IL31RA: variants seen among roughly 807,000 people sequenced by gnomAD.
IL31RA encodes interleukin-31 receptor subunit alpha.
A neutral mutation model predicts 83.7 loss-of-function variants in IL31RA; 66 were observed. That is an observed-to-expected ratio of 0.79 (90% CI 0.65 to 0.97). The LOEUF is 0.97. Among genes scored for constraint, IL31RA ranks in the 50% least tolerant of loss-of-function variants. IL31RA has a pLI of 0.00. For missense variants in IL31RA, 798 were observed against 919.4 expected, an observed-to-expected ratio of 0.87 and a Z score of 1.71; for synonymous variants, 325 against 329.0, an observed-to-expected ratio of 0.99 and a Z score of 0.13.
intron 13 of IL31RA, 45 bp downstream of exon 13, chr5:55,913,615 A>G (rs1428533890): frequency 8.0e-6 from 10 of 1,255,052 alleles, no homozygotes; most frequent in Non-Finnish European, 1.1e-5. Flanking sequence ...TCAGGGACAA[A>G]AAGGGGTTGA....
rs1367844440 is a variant in IL31RA at position 55,885,532 on chromosome 5, G to A, written c.606+2337G>A. On this transcript the variant is annotated intron_variant, in intron 5 of 14. Transcript: ENST00000652347. ...CCCCTGCACAAAGCGTGAACTTCCC[G>A]TGGCTCCACCCCATTCTCCCAGTGC... is the stretch of plus-strand genomic sequence containing the variant. 3.3e-5 allele frequency among the ~76,000 whole-genome samples: 5 copies of A among 152,154 alleles called. No individual in the cohort carries two copies. The East Asian group carries it at 7.7e-4, about 23-fold the overall frequency.
the IL31RA span, among the ~76,000 whole-genome samples, chr5:55,845,156 G>A: frequency 6.6e-6 from 1 of 152,138 alleles, no homozygotes; most frequent in African/African-American, 2.4e-5. Context: ...TTGCCTTTTA[G>A]TATGCCTTAT....
chr5:55,915,708 G>A (rs998999855), intron 14 of IL31RA, among the ~76,000 whole-genome samples: 4 of 151,970 alleles, frequency 2.6e-5, no homozygotes, highest in South Asian at 4.2e-4. Flanking sequence ...TTATCAGTCC[G>A]GTATACTGGA....
At position 55,907,252 on chromosome 5, in the gene IL31RA, G is replaced by A. The variant is rs1184791287; in HGVS notation, c.1253-107G>A. On this transcript the variant is annotated intron_variant, in intron 9 of 14. Transcript: ENST00000652347. ...TTATTTTCCAGAGGTGGAAACTGTAGAGAAATGGAATATCTTCTATAAGTG... is the reference window on the plus strand; with the variant it reads ...TTATTTTCCAGAGGTGGAAACTGTAAAGAAATGGAATATCTTCTATAAGTG... 1.1e-5 allele frequency: 8 copies of A among 724,784 alleles called. No homozygotes were observed. The Admixed American group carries it at 1.6e-4, about 15-fold the overall frequency. The allele number at this position is 724,784 out of a possible 1,614,324, so 44.9% of individuals were successfully genotyped here. A position where few individuals can be genotyped will look rare whatever the true frequency, so the allele number is the denominator to read the frequency against.
At position 55,903,390 on chromosome 5, in the gene IL31RA, T is replaced by C. The variant is rs534177052; in HGVS notation, c.1070-2716T>C. On this transcript the variant is annotated intron_variant, in intron 8 of 14. Coordinates refer to ENST00000652347, the MANE Select transcript of IL31RA (RefSeq NM_139017.7). The surrounding 1 kb of genome is among the most constrained non-coding windows in gnomAD (Gnocchi z 4.7). ...CTGCTTCTTCAAGGAAGGATCTGTGTTTCCCACCACACCTGGGGATGTTTG... is the reference window on the plus strand; with the variant it reads ...CTGCTTCTTCAAGGAAGGATCTGTGCTTCCCACCACACCTGGGGATGTTTG... Among the ~76,000 whole-genome samples the C allele has an allele frequency of 4.6e-5, 7 of 152,346 alleles. No homozygotes were observed. The East Asian group carries it at 1.3e-3, about 29-fold the overall frequency.
chr5:55,898,825 AC>A (rs1748626416), intron 7 of IL31RA, among the ~76,000 whole-genome samples: 1 of 152,128 alleles, frequency 6.6e-6, no homozygotes, highest in African/African-American at 2.4e-5. Context: ...GAAGTTCAAG[AC>A]CAGCTTGGAC....
chr5:55,889,745 G>C (rs972250565), intron 5 of IL31RA, among the ~76,000 whole-genome samples: 1 of 152,202 alleles, frequency 6.6e-6, no homozygotes, highest in African/African-American at 2.4e-5. Flanking sequence ...CTTAGATACA[G>C]GAAATGGGAA....
At chr5:55,849,895 T>C (rs1745013379), upstream of IL31RA, among the ~76,000 whole-genome samples, 1 of 152,226 alleles carries the variant, frequency 6.6e-6, no homozygotes, top group Admixed American at 6.5e-5. Context: ...ATCTCGAAAA[T>C]GGTCACATGG....
chr5:55,848,754 G>C (rs66832358), upstream of IL31RA, among the ~76,000 whole-genome samples: 7,460 of 152,168 alleles, frequency 0.049, 207 homozygotes, highest in African/African-American at 0.078. Context: ...GGTGTGAGAT[G>C]GGGGGGCTGC....
chr5:55,848,517 A>G (rs932086661), upstream of IL31RA, among the ~76,000 whole-genome samples: 4 of 152,020 alleles, frequency 2.6e-5, no homozygotes, highest in African/African-American at 7.2e-5. Context: ...CACATTTTGT[A>G]TTTTCGTTGC....
Position 55,890,036 on chromosome 5 carries a change from C to A in IL31RA, c.673C>A (p.Pro225Thr). ...NQTYNLTGLQ[P>T]FTEYVIALRC... ...AACGTACAACCTCACGGGGCTGCAG[C>A]CTTTTACAGAATATGTCATAGCTCT... Residue 225 changes from proline to threonine, a missense_variant, in exon 6 of 15, where the codon CCT (proline) becomes ACT (threonine). Pro to Thr is a conservative substitution (Grantham distance 38). Transcript: ENST00000652347. 6.2e-7 allele frequency: 1 copy of A among 1,613,994 alleles called. No homozygotes were observed. The highest frequency in any genetic ancestry group is 1.1e-5 in the South Asian group (1 of 91,068).
chr5:55,914,099 A>G (rs115223960), intron 13 of IL31RA, among the ~76,000 whole-genome samples: 348 of 152,274 alleles, frequency 2.3e-3, no homozygotes, highest in African/African-American at 8.2e-3. Flanking sequence ...GGAAGAAAGC[A>G]TGTCTTCAGG....
Position 55,917,088 on chromosome 5 carries a change from A to G in IL31RA, c.2263A>G (p.Lys755Glu). 6.2e-7 allele frequency: 1 copy of G among 1,614,204 alleles called. No individual in the cohort carries two copies. Among genetic ancestry groups the G allele is most frequent in the Non-Finnish European group, 8.5e-7 (1 of 1,180,042 alleles). Residue 755 changes from lysine to glutamate, a missense_variant, in exon 15 of 15, where the codon AAA becomes GAA. Transcript: ENST00000652347. ...VTAREFLVSE[K>E]LPEHTKGEV ...AGCCAGGGAATTTCTTGTGTCTGAA[A>G]AACTTCCAGAGCACACCAAGGGAGA...
intron 4 of IL31RA, among the ~76,000 whole-genome samples, chr5:55,879,213 T>A (rs1346626390): frequency 6.6e-6 from 1 of 151,948 alleles, no homozygotes; most frequent in African/African-American, 2.4e-5. Context: ...CTTTAGTTGG[T>A]AGAAGGGAAA....
intron 7 of IL31RA, among the ~76,000 whole-genome samples, chr5:55,897,347 C>G (rs1748467272): frequency 6.6e-6 from 1 of 151,792 alleles, no homozygotes; most frequent in South Asian, 2.1e-4. Flanking sequence ...TGGTCCCCCT[C>G]CTCTTTGGTC....
chr5:55,922,301 G>A lies in IL31RA; in HGVS notation c.*5181G>A. The A allele has an allele frequency of 2.0e-6, 2 of 1,007,984 alleles. No homozygotes were observed. Among genetic ancestry groups the A allele is most frequent in the Non-Finnish European group, 3.1e-6 (2 of 651,578 alleles). The allele number at this position is 1,007,984 out of a possible 1,614,324, so 62.4% of individuals were successfully genotyped here. A position where few individuals can be genotyped will look rare whatever the true frequency, so the allele number is the denominator to read the frequency against. On this transcript the variant is annotated 3_prime_UTR_variant, in exon 15 of 15. Transcript: ENST00000652347. ...GGGAGAAGCAAGGGGCAGGGGAGGG[G>A]CAGAACTCCACAAGAGGGCAAAACC...
chr5:55,877,807 CTCTTTGGGTTTA>C (rs1746952340), intron 4 of IL31RA, among the ~76,000 whole-genome samples: 1 of 152,072 alleles, frequency 6.6e-6, no homozygotes, highest in Non-Finnish European at 1.5e-5. Context: ...TAGTGTGGGT[CTCTTTGGGTTTA>C]TCCTACTTGG....
chr5:55,841,500 A>T, the IL31RA span, among the ~76,000 whole-genome samples: 1 of 152,222 alleles, frequency 6.6e-6, no homozygotes, highest in East Asian at 1.9e-4. Context: ...GCAGGGACTT[A>T]ATACAACAGG....
intron 2 of IL31RA, among the ~76,000 whole-genome samples, chr5:55,862,984 G>T (rs1259717417): frequency 6.6e-6 from 1 of 152,182 alleles, no homozygotes; most frequent in Non-Finnish European, 1.5e-5. Context: ...CACACTGATT[G>T]CCAACAAGGA....
Sources: gnomAD v4.1 joint callset for allele counts (sites outside exome capture counted in the v4.1 genomes callset) on GRCh38, gnomAD v4.1.1 for gene constraint, Gnocchi (gnomAD v3.1) non-coding constraint, MANE v1.5 for transcripts, NCBI Gene and HGNC (gene_info 2026-07-23, HGNC 2026-07-21) for gene names.